The following ABLIM2 variants were observed in gnomAD, a reference collection of about 807,000 sequenced individuals.
The protein encoded by ABLIM2 is actin-binding LIM protein 2.
Under a neutral mutation model 97.7 loss-of-function variants are expected in ABLIM2, and 53 were observed. The observed-to-expected ratio is 0.54, with a 90% confidence interval of 0.44 to 0.68. ABLIM2 has a LOEUF of 0.68. Among genes scored for constraint, ABLIM2 ranks in the 30% least tolerant of loss-of-function variants. The pLI is 0.00. For missense variants in ABLIM2, 835 were observed against 867.2 expected (o/e 0.96, Z 0.47); for synonymous variants, 361 against 345.8 (o/e 1.04, Z -0.49).
chr4:8,053,241 C>T (rs1332490666), intron 8 of ABLIM2, among the ~76,000 whole-genome samples: 1 of 152,214 alleles, frequency 6.6e-6, no homozygotes. Context: ...TCCTATCTAC[C>T]CATGACCTGG....
intron 11 of ABLIM2, among the ~76,000 whole-genome samples, chr4:8,029,244 C>T (rs1779296462): frequency 6.6e-6 from 1 of 152,184 alleles, no homozygotes; most frequent in Admixed American, 6.5e-5. Context: ...ACTTTGCTTT[C>T]CCAGCTCACA....
intron 14 of ABLIM2, among the ~76,000 whole-genome samples, chr4:8,009,919 G>A (rs1292214300): frequency 6.6e-6 from 1 of 152,136 alleles, no homozygotes; most frequent in Non-Finnish European, 1.5e-5. Context: ...GGGCGGTAGG[G>A]GCCAACATGA....
chr4:8,036,727 T>C (rs7654338), intron 9 of ABLIM2, among the ~76,000 whole-genome samples: 74,503 of 152,016 alleles, frequency 0.49, 20,048 homozygotes, highest in African/African-American at 0.71. Context: ...GCTCTGGGGT[T>C]AAGGAGGCCA....
Position 8,082,448 on chromosome 4 carries a change from CT to C in ABLIM2, c.455-1647del, listed in dbSNP as rs1820550065. ...GAACAGTGAGCATCGGCGAGACCCC[CT>C]GTGGGCCTGCTGTGCGGTGAGAGCT... On this transcript the variant is annotated intron_variant, in intron 4 of 20. Transcript: ENST00000447017. The surrounding 1 kb of genome is among the most constrained non-coding windows in gnomAD (Gnocchi z 5.6). Among the ~76,000 whole-genome samples, 1 of 152,238 alleles carries C rather than the reference CT, an allele frequency of 6.6e-6. No homozygotes were observed. Among genetic ancestry groups the C allele is most frequent in the Admixed American group, 6.5e-5 (1 of 15,282 alleles).
chr4:8,017,906 T>C (rs1770630906), intron 14 of ABLIM2, among the ~76,000 whole-genome samples: 1 of 152,014 alleles, frequency 6.6e-6, no homozygotes. Context: ...GGCAGGAGAA[T>C]TGCTTGAAGC....
rs368037222 is a variant in ABLIM2 at position 8,008,004 on chromosome 4, T to C, written c.1618+55A>G. ...GATAGCTCTGAGTTCTGGGGCCTCT[T>C]TGCCGCGAGGCATTTTGTGCACATC... On this transcript the variant is annotated intron_variant, in intron 16 of 20. Transcript: ENST00000447017. 5 of 1,600,704 alleles carry C rather than the reference T, an allele frequency of 3.1e-6. No homozygotes were observed. In the African/African-American group the frequency reaches 6.7e-5, roughly 21 times the overall value.
intron 5 of ABLIM2, 84 bp downstream of exon 5, chr4:8,080,592 C>A: frequency 1.4e-6 from 2 of 1,398,442 alleles, no homozygotes; most frequent in Non-Finnish European, 1.9e-6. Flanking sequence ...GAGGGTGGCG[C>A]TGGGGACACG....
intron 15 of ABLIM2, 139 bp from the exon 16 acceptor site, chr4:8,008,339 T>C: frequency 2.5e-6 from 2 of 790,738 alleles, no homozygotes; most frequent in Non-Finnish European, 2.0e-6. Context: ...ATGTGAGAGA[T>C]GCAGCTTTCA....
At chr4:8,018,152 CCTTT>C (rs1436168045) in intron 14 of ABLIM2, among the ~76,000 whole-genome samples, 1 of 152,172 alleles carries the variant, frequency 6.6e-6, no homozygotes, top group Admixed American at 6.5e-5. Flanking sequence ...GCTCTCTTCC[CCTTT>C]CTAAGGGGCA....
intron 2 of ABLIM2, among the ~76,000 whole-genome samples, chr4:8,099,210 C>A (rs937193708): frequency 1.3e-5 from 2 of 152,230 alleles, no homozygotes; most frequent in African/African-American, 4.8e-5. Flanking sequence ...TACATCCCAA[C>A]TGGGGAGAAG....
intron 20 of ABLIM2, among the ~76,000 whole-genome samples, chr4:7,982,985 G>A (rs1353116027): frequency 1.3e-5 from 2 of 152,232 alleles, no homozygotes; most frequent in East Asian, 3.8e-4. Flanking sequence ...TTACAGGCGT[G>A]AGCCACTGTG....
intron 8 of ABLIM2, among the ~76,000 whole-genome samples, chr4:8,050,501 G>A (rs1795278217): frequency 6.6e-6 from 1 of 152,200 alleles, no homozygotes; most frequent in Admixed American, 6.5e-5. Flanking sequence ...TCCCCCAGGA[G>A]CTGGCACAGA....
At chr4:8,064,879 C>T (rs1806003258) in intron 6 of ABLIM2, among the ~76,000 whole-genome samples, 1 of 152,148 alleles carries the variant, frequency 6.6e-6, no homozygotes, top group Non-Finnish European at 1.5e-5. Flanking sequence ...TTCACGCACC[C>T]CTCTGTGTGT....
At position 8,155,480 on chromosome 4, in the gene ABLIM2, C is replaced by T. The variant is rs568085717; in HGVS notation, c.10+3200G>A. On this transcript the variant is annotated intron_variant, in intron 1 of 20. Transcript: ENST00000447017. This position sits in a 1 kb window ranked among gnomAD's most constrained non-coding sequence, Gnocchi z 4.2. ...TGGGTGGGTTTGGGCTGGAACATTC[C>T]TCATGTCCCTTCCAGTTCCATGATC... Among the ~76,000 whole-genome samples, 21 of 152,232 alleles carry T rather than the reference C, an allele frequency of 1.4e-4. No homozygotes were observed. Among genetic ancestry groups the T allele is most frequent in the Admixed American group, 1.4e-3 (21 of 15,292 alleles).
rs997694492 is a variant in ABLIM2, at chr4:8,082,326, T to A, written c.455-1524A>T. On this transcript the variant is annotated intron_variant, in intron 4 of 20. Coordinates refer to ENST00000447017, the MANE Select transcript of ABLIM2 (RefSeq NM_001130083.2). The surrounding 1 kb of genome is among the most constrained non-coding windows in gnomAD (Gnocchi z 5.6). ...TCCTGCGGGAGCCCCCATTTCCTCA[T>A]CGTGGGGTGGGGTGATCACCTCCTC... is the stretch of plus-strand genomic sequence containing the variant. 1.3e-5 allele frequency among the ~76,000 whole-genome samples: 2 copies of A among 152,178 alleles called. No individual in the cohort carries two copies. Among genetic ancestry groups the A allele is most frequent in the African/African-American group, 4.8e-5 (2 of 41,444 alleles).
At chr4:7,969,504 A>G (rs1725830129) in intron 20 of ABLIM2, among the ~76,000 whole-genome samples, 1 of 152,124 alleles carries the variant, frequency 6.6e-6, no homozygotes, top group African/African-American at 2.4e-5. Flanking sequence ...AATCACTGTG[A>G]TTAGCAAAAG....
At chr4:8,064,699 G>C (rs561554451) in intron 6 of ABLIM2, among the ~76,000 whole-genome samples, 5 of 152,280 alleles carry the variant, frequency 3.3e-5, no homozygotes, top group African/African-American at 1.2e-4. Flanking sequence ...CAAGAGAACA[G>C]GCCCCAGGTT....
intron 1 of ABLIM2, among the ~76,000 whole-genome samples, chr4:8,154,937 CA>C (rs1235556516): frequency 6.6e-6 from 1 of 152,212 alleles, no homozygotes; most frequent in Admixed American, 6.5e-5. Context: ...TGGCAGCAGG[CA>C]AGAGAGCGTG....
Position 8,022,931 on chromosome 4 carries a change from TTCC to T in ABLIM2, c.1268-2631_1268-2629del, listed in dbSNP as rs535801678. ...CTTCTTCCTCCTCCACTTTTTCCTC[TTCC>T]TCCTCCTCCTCCTCTTCTTTTTCCT... On this transcript the variant is annotated intron_variant, in intron 12 of 20. Transcript: ENST00000447017. This position sits in a 1 kb window ranked among gnomAD's most constrained non-coding sequence, Gnocchi z 7.8. 125 of 153,692 alleles carry T rather than the reference TTCC, an allele frequency of 8.1e-4. 1 individual carries two copies. In the South Asian group the frequency reaches 0.011, roughly 14 times the overall value. The allele number at this position is 153,692 out of a possible 1,614,324, so 9.5% of individuals were successfully genotyped here.
Sources: gnomAD v4.1 joint callset for allele counts (sites outside exome capture counted in the v4.1 genomes callset) on GRCh38, gnomAD v4.1.1 for gene constraint, Gnocchi (gnomAD v3.1) non-coding constraint, MANE v1.5 for transcripts, NCBI Gene and HGNC (gene_info 2026-07-23, HGNC 2026-07-21) for gene names.